SLC2A1: variants seen among roughly 807,000 people sequenced by gnomAD.
SLC2A1 encodes solute carrier family 2 member 1.
A neutral mutation model predicts 46.6 loss-of-function variants in SLC2A1; 4 were observed. The observed-to-expected ratio is 0.09, with a 90% confidence interval of 0.04 to 0.20. The LOEUF (loss-of-function observed/expected upper bound fraction) is 0.20. Ranked by LOEUF, SLC2A1 falls within the 10% of genes least tolerant of loss-of-function variation. The pLI is 1.00. For synonymous variants in SLC2A1, 253 were observed against 270.0 expected, an observed-to-expected ratio of 0.94 and a Z score of 0.62; for missense variants, 352 against 667.0, an observed-to-expected ratio of 0.53 and a Z score of 5.20.
intron 1 of SLC2A1, chr1:42,952,441 C>T: frequency 6.4e-6 from 3 of 470,114 alleles, no homozygotes; most frequent in South Asian, 4.6e-5. Context: ...ACTTCCATCA[C>T]CAGGTTGTAG....
intron 2 of SLC2A1, among the ~76,000 whole-genome samples, chr1:42,931,827 CAA>C (rs35734592): frequency 1.8e-4 from 19 of 106,266 alleles, no homozygotes; most frequent in Admixed American, 6.5e-4. Flanking sequence ...CTCTATGTCT[CAA>C]AAAAAAAAAA....
In SLC2A1 at chr1:42,954,776, A is replaced by G. The variant is rs1434986020; in HGVS notation, c.18+3858T>C. 2.6e-5 allele frequency among the ~76,000 whole-genome samples: 4 copies of G among 152,186 alleles called. No homozygotes were observed. Among genetic ancestry groups the G allele is most frequent in the Admixed American group, 2.0e-4 (3 of 15,280 alleles). ...TGGCAAAGTCATTTTTTATTGGACCATGAGGTCACTGTAACTTGTATCACA... is the reference window on the plus strand; with the variant it reads ...TGGCAAAGTCATTTTTTATTGGACCGTGAGGTCACTGTAACTTGTATCACA... On this transcript the variant is annotated intron_variant, in intron 1 of 9. Transcript: ENST00000426263. The surrounding 1 kb of genome is among the most constrained non-coding windows in gnomAD (Gnocchi z 4.2).
intron 1 of SLC2A1, among the ~76,000 whole-genome samples, chr1:42,957,241 C>T (rs574650244): frequency 6.6e-6 from 1 of 152,340 alleles, no homozygotes; most frequent in East Asian, 1.9e-4. Flanking sequence ...AGTTATATCC[C>T]ACCCTTACGG....
chr1:42,953,547 C>G (rs927677549), intron 1 of SLC2A1, among the ~76,000 whole-genome samples: 8 of 152,220 alleles, frequency 5.3e-5, no homozygotes, highest in African/African-American at 1.9e-4. Context: ...GAGTGAGCGG[C>G]TTTATCACCT....
At chr1:42,940,929 G>C (rs1050925671) in intron 2 of SLC2A1, among the ~76,000 whole-genome samples, 16 of 151,968 alleles carry the variant, frequency 1.1e-4, no homozygotes, top group African/African-American at 3.6e-4. Flanking sequence ...CACATCCCAC[G>C]GCCACCTCTC....
chr1:42,929,060 A>T lies in SLC2A1; in HGVS notation c.973-27T>A. ...TGTGGGCAGAGACAGTGTCAGTGCC[A>T]CCCCTGCCTAGTGCCCTTCTGAACC... is the stretch of plus-strand genomic sequence containing the variant. On this transcript the variant is annotated intron_variant, in intron 7 of 9. Coordinates refer to ENST00000426263, the MANE Select transcript of SLC2A1 (RefSeq NM_006516.4). The surrounding 1 kb of genome is among the most constrained non-coding windows in gnomAD (Gnocchi z 6.0). The T allele has an allele frequency of 1.9e-6, 3 of 1,604,292 alleles. No homozygotes were observed. Among genetic ancestry groups the T allele is most frequent in the Non-Finnish European group, 2.6e-6 (3 of 1,172,296 alleles).
chr1:42,943,464 C>A, intron 1 of SLC2A1, 143 bp from the exon 2 acceptor site: 1 of 734,300 alleles, frequency 1.4e-6, no homozygotes, highest in Non-Finnish European at 2.4e-6. Context: ...GAAACTTGGC[C>A]AATTCCTGAC....
At chr1:42,957,016 G>A (rs1224168368) in intron 1 of SLC2A1, among the ~76,000 whole-genome samples, 1 of 152,178 alleles carries the variant, frequency 6.6e-6, no homozygotes, top group African/African-American at 2.4e-5. Context: ...CCACTTTTCT[G>A]TCTCCACGTA....
rs780680200 is a variant in SLC2A1 at position 42,958,639 on chromosome 1, T to A, written c.13A>T (p.Ser5Cys). 1.3e-6 allele frequency: 2 copies of A among 1,532,272 alleles called. No homozygotes were observed. Among genetic ancestry groups the A allele is most frequent in the Non-Finnish European group, 1.7e-6 (2 of 1,144,004 alleles). 94.9% of individuals were successfully genotyped at this position (1,532,272 alleles called of 1,614,324 possible). A position where few individuals can be genotyped will look rare whatever the true frequency, so the allele number is the denominator to read the frequency against. Reference protein sequence around the residue: MEPSSKKLTGRLMLA... With the variant: MEPSCKKLTGRLMLA... ...CCCGCGGGCGCGCGACTCACCTTGCTGCTGGGCTCCATGGCAGCGCTGCGC... is the reference window on the plus strand; with the variant it reads ...CCCGCGGGCGCGCGACTCACCTTGCAGCTGGGCTCCATGGCAGCGCTGCGC... Residue 5 changes from serine (S) to cysteine (C), a missense_variant, in exon 1 of 10, where the codon AGC becomes TGC. Transcript: ENST00000426263.
At chr1:42,934,345 C>T (rs841857) in intron 2 of SLC2A1, among the ~76,000 whole-genome samples, 31,296 of 152,124 alleles carry the variant, frequency 0.21, 3,299 homozygotes, top group Middle Eastern at 0.26. Context: ...TGGCCTAGAC[C>T]CATCCTCTCC....
Position 42,958,765 on chromosome 1 carries a change from T to C in SLC2A1, c.-114A>G. 1.8e-6 allele frequency: 2 copies of C among 1,125,752 alleles called. No individual in the cohort carries two copies. Among genetic ancestry groups the C allele is most frequent in the Non-Finnish European group, 2.5e-6 (2 of 786,704 alleles). The allele number at this position is 1,125,752 out of a possible 1,614,324, so 69.7% of individuals were successfully genotyped here. On this transcript the variant is annotated 5_prime_UTR_variant, in exon 1 of 10. Transcript: ENST00000426263. Reference sequence around the variant, plus strand: ...CCGGTCCGGGGACTCCCACTGCGACTCTGACTCCGACCCCCGTCGTTTGGT... The same window carrying C: ...CCGGTCCGGGGACTCCCACTGCGACCCTGACTCCGACCCCCGTCGTTTGGT...
At chr1:42,943,459 T>G (rs13306751) in intron 1 of SLC2A1, 138 bp from the exon 2 acceptor site, 2 of 754,252 alleles carry the variant, frequency 2.7e-6, no homozygotes, top group Non-Finnish European at 2.3e-6. Flanking sequence ...CCCAGGAAAC[T>G]TGGCCAATTC....
At chr1:42,946,579 A>G (rs1643658001) in intron 1 of SLC2A1, among the ~76,000 whole-genome samples, 3 of 152,172 alleles carry the variant, frequency 2.0e-5, no homozygotes, top group African/African-American at 4.8e-5. Context: ...AGGAGGTGAC[A>G]TTGGAGCTGG....
intron 2 of SLC2A1, among the ~76,000 whole-genome samples, chr1:42,942,418 C>G (rs1353098780): frequency 6.6e-6 from 1 of 151,960 alleles, no homozygotes; most frequent in East Asian, 1.9e-4. Flanking sequence ...CCCCCTACCC[C>G]CTTTTCCTCT....
At chr1:42,958,576 G>A (rs1643806850) in intron 1 of SLC2A1, 58 bp downstream of exon 1, 3 of 1,444,314 alleles carry the variant, frequency 2.1e-6, no homozygotes, top group Admixed American at 4.8e-5. Context: ...CCGGCGTAAG[G>A]CGGGCAGGAG....
chr1:42,944,804 T>C (rs2124463424), intron 1 of SLC2A1, among the ~76,000 whole-genome samples: 1 of 152,264 alleles, frequency 6.6e-6, no homozygotes, highest in Non-Finnish European at 1.5e-5. Context: ...TGGACATTTA[T>C]TCCACATGCT....
intron 1 of SLC2A1, among the ~76,000 whole-genome samples, chr1:42,947,806 C>G (rs1483776595): frequency 6.6e-6 from 1 of 152,156 alleles, no homozygotes; most frequent in African/African-American, 2.4e-5. Context: ...ACAAAGAAAC[C>G]TGCCACTTTT....
At chr1:42,953,389 C>T (rs985284317) in intron 1 of SLC2A1, among the ~76,000 whole-genome samples, 11 of 152,370 alleles carry the variant, frequency 7.2e-5, no homozygotes, top group East Asian at 1.9e-4. Flanking sequence ...CCACCCCTCC[C>T]GTGGAGAGAG....
chr1:42,929,344 A>G lies in SLC2A1; in HGVS notation c.868-30T>C, dbSNP rs1204614756. On this transcript the variant is annotated intron_variant, in intron 6 of 9. Coordinates refer to ENST00000426263, the MANE Select transcript of SLC2A1 (RefSeq NM_006516.4). This position sits in a 1 kb window ranked among gnomAD's most constrained non-coding sequence, Gnocchi z 6.0. ...CAGACAAGAGAAACTGTTGGGGCCT[A>G]CCTGGACATTGTGGCCCTTCCCTGC... 1 of 1,550,266 alleles carries G rather than the reference A, an allele frequency of 6.5e-7. No homozygotes were observed. The highest frequency in any genetic ancestry group is 2.3e-5 in the East Asian group (1 of 42,732).
Sources: gnomAD v4.1 joint callset for allele counts (sites outside exome capture counted in the v4.1 genomes callset) on GRCh38, gnomAD v4.1.1 for gene constraint, Gnocchi (gnomAD v3.1) non-coding constraint, MANE v1.5 for transcripts, NCBI Gene and HGNC (gene_info 2026-07-23, HGNC 2026-07-21) for gene names.